Variants in KIAA0513 observed in about 807,000 individuals in gnomAD.
KIAA0513 encodes the protein KIAA0513.
KIAA0513 carries 39 observed loss-of-function variants against 56.5 expected under a neutral mutation model. That is an observed-to-expected ratio of 0.69 (90% confidence interval 0.53 to 0.90). KIAA0513 has a LOEUF of 0.90. Ranked by LOEUF, KIAA0513 falls within the 40% of genes least tolerant of loss-of-function variation. The pLI, the probability that KIAA0513 is intolerant of heterozygous loss-of-function variation, is 0.00. For synonymous variants in KIAA0513, 268 were observed against 215.6 expected (o/e 1.24, Z -2.13); for missense variants, 591 against 535.2 (o/e 1.10, Z -1.03).
chr16:85,079,227 G>C, intron 8 of KIAA0513: 1 of 932,624 alleles, frequency 1.1e-6, no homozygotes, highest in Non-Finnish European at 1.5e-6. Context: ...CAGCCGCTGA[G>C]AAACAGTCTG....
At position 85,067,093 on chromosome 16, in the gene KIAA0513, G is replaced by A. The variant is rs142747183; in HGVS notation, c.22G>A (p.Val8Met). Residue 8 changes from valine to methionine, a missense_variant, in exon 2 of 13, where the codon GTG becomes ATG. By Grantham distance (21) the Val-to-Met change is conservative. Coordinates refer to ENST00000683363, the MANE Select transcript of KIAA0513 (RefSeq NM_001388359.1). METPEVP[V>M]GSLIDFGPEA... The stretch of plus-strand genomic sequence containing the variant: ...AGCCATGGAGACCCCAGAGGTCCCC[G>A]TGGGCTCGCTAATCGACTTTGGGCC... 7.4e-5 allele frequency: 118 copies of A among 1,593,914 alleles called. No individual in the cohort carries two copies. The highest frequency in any genetic ancestry group is 2.0e-4 in the African/African-American group (15 of 74,800).
At chr16:85,046,107 C>T (rs2073167420) in intron 1 of KIAA0513, among the ~76,000 whole-genome samples, 1 of 152,170 alleles carries the variant, frequency 6.6e-6, no homozygotes. Flanking sequence ...GCTGCTTCGG[C>T]CCTTCCCTTG....
intron 1 of KIAA0513, among the ~76,000 whole-genome samples, chr16:85,048,414 C>T (rs746371939): frequency 6.6e-6 from 1 of 152,190 alleles, no homozygotes. Context: ...TCCAGGTAGT[C>T]ACCCATGTGC....
Position 85,071,140 on chromosome 16 carries a change from A to C in KIAA0513, c.330-643A>C, listed in dbSNP as rs192099746. On this transcript the variant is annotated intron_variant, in intron 2 of 12. Coordinates refer to ENST00000683363, the MANE Select transcript of KIAA0513 (RefSeq NM_001388359.1). ...GAGTGATGAGAAGTGGCCTGAAATC[A>C]TGTGAGCATGTTATCCATCCTAGTG... is the stretch of plus-strand genomic sequence containing the variant. Among the ~76,000 whole-genome samples the C allele has an allele frequency of 8.5e-5, 13 of 152,276 alleles. No homozygotes were observed. The East Asian group carries it at 2.1e-3, about 25-fold the overall frequency.
chr16:85,038,915 C>T (rs988680957), intron 1 of KIAA0513, among the ~76,000 whole-genome samples: 2 of 152,174 alleles, frequency 1.3e-5, no homozygotes, highest in Non-Finnish European at 2.9e-5. Flanking sequence ...TCAAGGGCCG[C>T]ATGTGGCCAG....
chr16:85,083,087 C>T (rs930414960), intron 10 of KIAA0513, among the ~76,000 whole-genome samples: 1 of 152,228 alleles, frequency 6.6e-6, no homozygotes, highest in African/African-American at 2.4e-5. Flanking sequence ...ACACCACCCA[C>T]TCTTGGGTGT....
chr16:85,069,535 G>A (rs945432778), intron 2 of KIAA0513, among the ~76,000 whole-genome samples: 1 of 152,084 alleles, frequency 6.6e-6, no homozygotes, highest in Non-Finnish European at 1.5e-5. Context: ...CTGTGCATCA[G>A]CCTGATGTTT....
At chr16:85,038,597 A>G (rs1280560673) in intron 1 of KIAA0513, among the ~76,000 whole-genome samples, 2 of 151,872 alleles carry the variant, frequency 1.3e-5, no homozygotes, top group Admixed American at 6.6e-5. Flanking sequence ...AATCCCAGCT[A>G]CACGGGAGGC....
chr16:85,051,550 C>T (rs2143924503), intron 1 of KIAA0513, among the ~76,000 whole-genome samples: 1 of 152,302 alleles, frequency 6.6e-6, no homozygotes, highest in Non-Finnish European at 1.5e-5. Flanking sequence ...TTGGTGGTGG[C>T]TCCGCCTTGC....
At chr16:85,035,391 G>C (rs1015807556) in intron 1 of KIAA0513, among the ~76,000 whole-genome samples, 12 of 152,206 alleles carry the variant, frequency 7.9e-5, no homozygotes, top group Non-Finnish European at 8.8e-5. Context: ...GGCTCTGTGG[G>C]GACCCTCCTC....
chr16:85,044,477 C>T (rs552247387), intron 1 of KIAA0513, among the ~76,000 whole-genome samples: 3 of 152,120 alleles, frequency 2.0e-5, no homozygotes, highest in Non-Finnish European at 4.4e-5. Context: ...GTCCATCCAC[C>T]ACCACAAAGT....
At chr16:85,028,378 C>T (rs1030706096) in intron 1 of KIAA0513, among the ~76,000 whole-genome samples, 24 of 152,224 alleles carry the variant, frequency 1.6e-4, no homozygotes, top group Admixed American at 1.1e-3. Flanking sequence ...GCTCCCGGGG[C>T]TTAGCAGGGT....
intron 1 of KIAA0513, among the ~76,000 whole-genome samples, chr16:85,035,861 G>C (rs2073029220): frequency 6.6e-6 from 1 of 151,744 alleles, no homozygotes; most frequent in Admixed American, 6.6e-5. Context: ...GGTGCTCGTA[G>C]TCCAGCTACT....
chr16:85,047,832 C>T (rs898895362), intron 1 of KIAA0513, among the ~76,000 whole-genome samples: 3 of 152,196 alleles, frequency 2.0e-5, no homozygotes, highest in African/African-American at 7.2e-5. Flanking sequence ...GGGTCAGGGA[C>T]ATGGCAAACT....
intron 1 of KIAA0513, among the ~76,000 whole-genome samples, chr16:85,058,350 C>G (rs1328695683): frequency 1.3e-5 from 2 of 152,130 alleles, no homozygotes. Context: ...TTTTGAGAGT[C>G]TTTTAAAGAA....
At chr16:85,035,459 C>A (rs1411527791) in intron 1 of KIAA0513, among the ~76,000 whole-genome samples, 1 of 152,174 alleles carries the variant, frequency 6.6e-6, no homozygotes. Context: ...GAATCTCTCT[C>A]ACTTTGCTTA....
intron 1 of KIAA0513, among the ~76,000 whole-genome samples, chr16:85,062,831 A>G (rs2073424832): frequency 6.6e-6 from 1 of 152,210 alleles, no homozygotes; most frequent in Non-Finnish European, 1.5e-5. Flanking sequence ...TGTTTTCGCC[A>G]GATGGCCAAG....
intron 1 of KIAA0513, among the ~76,000 whole-genome samples, chr16:85,062,083 C>G (rs181866198): frequency 7.2e-5 from 11 of 152,272 alleles, no homozygotes; most frequent in African/African-American, 2.6e-4. Context: ...AAAGAAGCCA[C>G]TTCTCAGCCC....
At chr16:85,037,169 C>G (rs1430609363) in intron 1 of KIAA0513, among the ~76,000 whole-genome samples, 1 of 152,132 alleles carries the variant, frequency 6.6e-6, no homozygotes. Context: ...ATCCTTTTCT[C>G]TGCCAGGTGT....
Sources: allele counts gnomAD v4.1 joint callset (sites outside exome capture counted in the v4.1 genomes callset), GRCh38; gene constraint gnomAD v4.1.1; transcripts MANE v1.5; gene names NCBI Gene and HGNC (gene_info 2026-07-23, HGNC 2026-07-21).